Variants in TRIM14 observed in about 807,000 individuals in gnomAD.
TRIM14 encodes tripartite motif containing 14.
Under a neutral mutation model 44.5 loss-of-function variants are expected in TRIM14, and 28 were observed. That is an observed-to-expected ratio of 0.63 (90% confidence interval 0.47 to 0.86). The LOEUF (loss-of-function observed/expected upper bound fraction) is 0.86. TRIM14 is among the 40% of genes least tolerant of loss of function. The probability of loss-of-function intolerance (pLI) is 0.00; values close to 1 mark genes in which losing one functional copy is unlikely to be tolerated. For synonymous variants in TRIM14, 299 were observed against 269.2 expected (o/e 1.11, Z -1.08); for missense variants, 607 against 611.1 (o/e 0.99, Z 0.07).
At chr9:98,047,096 G>A in the TRIM14 span, among the ~76,000 whole-genome samples, 2 of 152,140 alleles carry the variant, frequency 1.3e-5, no homozygotes. Flanking sequence ...CCCATGTGTT[G>A]TGGGAGGGAC....
chr9:98,101,013 C>T (rs1826368615), intron 2 of TRIM14, among the ~76,000 whole-genome samples: 1 of 152,092 alleles, frequency 6.6e-6, no homozygotes, highest in Non-Finnish European at 1.5e-5. Context: ...GAGTTTCACT[C>T]TTGTCCAGGC....
chr9:98,095,002 G>A lies in TRIM14; in HGVS notation c.565C>T (p.Gln189Ter). 1.2e-6 allele frequency: 2 copies of A among 1,613,996 alleles called. No homozygotes were observed. Among genetic ancestry groups the A allele is most frequent in the East Asian group, 2.2e-5 (1 of 44,870 alleles). Residue 189 changes from glutamine (Q) to a stop codon, truncating the protein, a stop_gained, in exon 4 of 6, where the codon CAG becomes TAG. Coordinates refer to ENST00000341469, the MANE Select transcript of TRIM14 (RefSeq NM_014788.4). LOFTEE classifies it high-confidence loss of function. This position sits in a 1 kb window ranked among gnomAD's most constrained non-coding sequence, Gnocchi z 4.1. ...QAYTATEQEM[Q>*]QQMSLGELCH... The stretch of plus-strand genomic sequence containing the variant: ...AGCTCCCCGAGGCTCATCTGCTGCT[G>A]CATCTCCTGCTCGGTGGCCGTGTAT...
At chr9:98,071,004 G>T (rs1180151673) in intron 6 of TRIM14, among the ~76,000 whole-genome samples, 1 of 150,982 alleles carries the variant, frequency 6.6e-6, no homozygotes, top group African/African-American at 2.4e-5. Flanking sequence ...GTAGAGATGG[G>T]GTCTCCCTAT....
rs760502317 is a variant in TRIM14 at position 98,100,088 on chromosome 9, G to C, written c.380C>G (p.Ala127Gly). 8 of 1,614,160 alleles carry C rather than the reference G, an allele frequency of 5.0e-6. No individual in the cohort carries two copies. Among genetic ancestry groups the C allele is most frequent in the South Asian group, 1.1e-5 (1 of 91,082 alleles). The change falls in exon 3 of 6, where the codon GCG becomes GGG. Residue 127 changes from alanine (A) to glycine (G), a missense_variant. Ala to Gly is a moderately conservative substitution (Grantham distance 60). This residue lies in a region of TRIM14 where 246 missense variants were observed against 270.8 expected (regional missense o/e 0.91). Coordinates refer to ENST00000341469, the MANE Select transcript of TRIM14 (RefSeq NM_014788.4). ...TTTATCAATGAATTTCTTGGCCAGC[G>C]CTTCCTCTTCGTCAAGTAGTAATCT... ...ELRLLLDEEEALAKKFIDKNT... is the reference protein window; with the variant it reads ...ELRLLLDEEEGLAKKFIDKNT...
intron 5 of TRIM14, among the ~76,000 whole-genome samples, chr9:98,089,198 T>C (rs1825913189): frequency 6.6e-6 from 1 of 152,122 alleles, no homozygotes; most frequent in Non-Finnish European, 1.5e-5. Context: ...TTTTTTAAGA[T>C]GGAGTTTCAC....
downstream of TRIM14, chr9:98,081,615 G>A (rs1564166899): frequency 6.5e-6 from 1 of 153,082 alleles, no homozygotes; most frequent in Non-Finnish European, 1.5e-5. Context: ...GGAACTGGTG[G>A]GCCTAGAAGC....
chr9:98,066,502 A>G (rs943708224), downstream of TRIM14, among the ~76,000 whole-genome samples: 1 of 152,188 alleles, frequency 6.6e-6, no homozygotes, highest in Non-Finnish European at 1.5e-5. Context: ...CGAGGGTACA[A>G]TTCAGTGGTG....
chr9:98,094,741 T>C, intron 4 of TRIM14, 126 bp downstream of exon 4: 2 of 1,178,756 alleles, frequency 1.7e-6, no homozygotes, highest in Admixed American at 4.6e-5. Context: ...CAGGAGCCCC[T>C]GACCGCCCAG....
chr9:98,103,731 G>A (rs745948471), intron 2 of TRIM14, among the ~76,000 whole-genome samples: 28 of 150,586 alleles, frequency 1.9e-4, no homozygotes, highest in African/African-American at 5.9e-4. Context: ...CTGGCTACTC[G>A]GGAGGCTAAG....
At chr9:98,069,803 T>C (rs1829258599) in intron 6 of TRIM14, 1 of 152,254 alleles carries the variant, frequency 6.6e-6, no homozygotes, top group Non-Finnish European at 1.5e-5. Context: ...AGCAGTGGCA[T>C]CATGGTACCT....
the TRIM14 span, among the ~76,000 whole-genome samples, chr9:98,052,833 G>T: frequency 1.1e-4 from 16 of 152,162 alleles, no homozygotes; most frequent in Admixed American, 1.0e-3. Flanking sequence ...AGACTAGCCA[G>T]GACAGCCAAT....
intron 2 of TRIM14, among the ~76,000 whole-genome samples, chr9:98,108,063 C>G (rs1352928746): frequency 6.7e-6 from 1 of 150,080 alleles, no homozygotes; most frequent in African/African-American, 2.4e-5. Flanking sequence ...TGACATAAAA[C>G]TATACACACA....
At chr9:98,040,246 C>T in the TRIM14 span, among the ~76,000 whole-genome samples, 12 of 152,296 alleles carry the variant, frequency 7.9e-5, no homozygotes, top group East Asian at 2.1e-3. Context: ...CATTTTCCAC[C>T]TGCTTTGACA....
At chr9:98,082,956 C>G, downstream of TRIM14, 1 of 1,614,188 alleles carries the variant, frequency 6.2e-7, no homozygotes, top group Non-Finnish European at 8.5e-7. Context: ...CTGAAGACAT[C>G]TTTAATCTAG....
chr9:98,111,560 C>T (rs1460776470), intron 1 of TRIM14, among the ~76,000 whole-genome samples: 1 of 152,134 alleles, frequency 6.6e-6, no homozygotes, highest in Non-Finnish European at 1.5e-5. Flanking sequence ...GTTTAATGAA[C>T]TATTCAGGCA....
intron 2 of TRIM14, among the ~76,000 whole-genome samples, chr9:98,109,262 G>GAGGATGAAAGGGGTAGGGAGCAAC (rs1826747707): frequency 2.0e-5 from 3 of 151,334 alleles, no homozygotes; most frequent in African/African-American, 7.4e-5. Flanking sequence ...GGGAGCAACA[G>GAGGATGAAAGGGGTAGGGAGCAAC]AGGATGAAAG....
chr9:98,113,113 CAAAAAAAAAAAA>C (rs57908629), intron 1 of TRIM14, among the ~76,000 whole-genome samples: 7 of 39,250 alleles, frequency 1.8e-4, no homozygotes, highest in African/African-American at 5.1e-4. Context: ...AACTCCATCT[CAAAAAAAAAAAA>C]AAAAAAAAAA....
At chr9:98,060,899 C>T in the TRIM14 span, 2 of 1,614,178 alleles carry the variant, frequency 1.2e-6, no homozygotes, top group Non-Finnish European at 1.7e-6. Context: ...GTACGGGGAG[C>T]ACAAACGACA....
At chr9:98,083,980 A>G (rs144571026), downstream of TRIM14, among the ~76,000 whole-genome samples, 1 of 152,324 alleles carries the variant, frequency 6.6e-6, no homozygotes, top group East Asian at 1.9e-4. Context: ...GAGATAGTTA[A>G]TCAGGGAGCA....
Sources: allele counts gnomAD v4.1 joint callset (sites outside exome capture counted in the v4.1 genomes callset), GRCh38; gene constraint gnomAD v4.1.1; regional missense constraint gnomAD v4.1.1; non-coding constraint Gnocchi (gnomAD v3.1); transcripts MANE v1.5; gene names NCBI Gene and HGNC (gene_info 2026-07-23, HGNC 2026-07-21).